IL23R: variants seen among roughly 807,000 people sequenced by gnomAD.
IL23R encodes interleukin 23 receptor.
Under a neutral mutation model 56.9 loss-of-function variants are expected in IL23R, and 34 were observed. That is an observed-to-expected ratio of 0.60 (90% CI 0.45 to 0.80). The LOEUF is 0.80. IL23R is among the 30% of genes least tolerant of loss of function. IL23R has a pLI of 0.00. For synonymous variants in IL23R, 230 were observed against 249.2 expected, an observed-to-expected ratio of 0.92 and a Z score of 0.73; for missense variants, 635 against 730.0, an observed-to-expected ratio of 0.87 and a Z score of 1.50.
chr1:67,157,325 A>G (rs943345605), intron 1 of IL23R, among the ~76,000 whole-genome samples: 7 of 152,140 alleles, frequency 4.6e-5, no homozygotes, highest in African/African-American at 1.7e-4. Context: ...TCTACAAAAT[A>G]TATTCCTTTT....
intron 9 of IL23R, among the ~76,000 whole-genome samples, chr1:67,248,109 A>C (rs1570921918): frequency 6.6e-6 from 1 of 152,126 alleles, no homozygotes; most frequent in Non-Finnish European, 1.5e-5. Context: ...CCTGTTCTCC[A>C]GGAATATCTT....
At chr1:67,182,602 G>T (rs1031802566) in intron 3 of IL23R, among the ~76,000 whole-genome samples, 1 of 152,090 alleles carries the variant, frequency 6.6e-6, no homozygotes, top group Non-Finnish European at 1.5e-5. Flanking sequence ...GCAATGCCTC[G>T]CCCTGCTTCG....
At chr1:67,182,170 G>A (rs1647155886) in intron 3 of IL23R, among the ~76,000 whole-genome samples, 1 of 152,206 alleles carries the variant, frequency 6.6e-6, no homozygotes, top group Non-Finnish European at 1.5e-5. Flanking sequence ...GTCAGACGGG[G>A]ACATTTAAGT....
intron 7 of IL23R, among the ~76,000 whole-genome samples, chr1:67,226,215 A>G (rs1650608039): frequency 6.6e-6 from 1 of 152,196 alleles, no homozygotes; most frequent in Non-Finnish European, 1.5e-5. Context: ...AATGTGATAC[A>G]GTTCACTATT....
chr1:67,178,409 G>A (rs1326030366), intron 3 of IL23R, among the ~76,000 whole-genome samples: 1 of 152,028 alleles, frequency 6.6e-6, no homozygotes, highest in Non-Finnish European at 1.5e-5. Flanking sequence ...TTTTGATTTG[G>A]CTCTCCATTT....
chr1:67,224,077 A>G (rs1650467507), intron 7 of IL23R, among the ~76,000 whole-genome samples: 1 of 152,184 alleles, frequency 6.6e-6, no homozygotes, highest in African/African-American at 2.4e-5. Flanking sequence ...GCATTTTTAG[A>G]TCCTTGCAGA....
intron 7 of IL23R, among the ~76,000 whole-genome samples, chr1:67,221,227 A>G (rs1650228807): frequency 1.3e-5 from 2 of 152,268 alleles, no homozygotes; most frequent in African/African-American, 2.4e-5. Context: ...AGTCTGAGGC[A>G]GGAAAATGGC....
At chr1:67,183,117 C>T (rs558092430) in intron 4 of IL23R, among the ~76,000 whole-genome samples, 158 bp downstream of exon 4, 1 of 152,336 alleles carries the variant, frequency 6.6e-6, no homozygotes, top group East Asian at 1.9e-4. Flanking sequence ...TACCAAAGCC[C>T]TTTTCAAGCC....
At chr1:67,188,357 TC>T (rs1342714007) in intron 4 of IL23R, among the ~76,000 whole-genome samples, 1 of 152,172 alleles carries the variant, frequency 6.6e-6, no homozygotes, top group Non-Finnish European at 1.5e-5. Context: ...GTGTCACATG[TC>T]TACTCTGTCT....
intron 1 of IL23R, among the ~76,000 whole-genome samples, chr1:67,149,539 G>A (rs139911769): frequency 2.6e-5 from 4 of 152,050 alleles, no homozygotes; most frequent in African/African-American, 7.2e-5. Flanking sequence ...TGTATTTCCC[G>A]AAGTACTCTA....
chr1:67,243,931 G>A (rs1558262231), intron 9 of IL23R, among the ~76,000 whole-genome samples: 1 of 152,286 alleles, frequency 6.6e-6, no homozygotes, highest in East Asian at 1.9e-4. Flanking sequence ...CACCAACAGT[G>A]TAAAAGCATT....
At chr1:67,256,083 A>G (rs529694993) in intron 10 of IL23R, among the ~76,000 whole-genome samples, 156 bp downstream of exon 10, 14 of 152,366 alleles carry the variant, frequency 9.2e-5, no homozygotes, top group African/African-American at 3.4e-4. Flanking sequence ...CCTGTTTCAA[A>G]TCATACTTAA....
chr1:67,145,769 G>A (rs1389692072), intron 1 of IL23R, among the ~76,000 whole-genome samples: 1 of 152,140 alleles, frequency 6.6e-6, no homozygotes, highest in Admixed American at 6.5e-5. Flanking sequence ...GGCTGTGGTG[G>A]CTTGTTTACA....
intron 6 of IL23R, among the ~76,000 whole-genome samples, chr1:67,217,092 T>C (rs944766533): frequency 7.2e-5 from 11 of 151,876 alleles, no homozygotes; most frequent in African/African-American, 2.7e-4. Context: ...AGGTTGGAGA[T>C]TTTTTCTTCC....
rs117333336 is a variant in IL23R at position 67,149,475 on chromosome 1, C to T, written c.-634+10314C>T. Among the ~76,000 whole-genome samples the T allele has an allele frequency of 6.0e-3, 908 of 152,176 alleles. 23 individuals carry two copies. In the East Asian group the frequency reaches 0.061, roughly 10 times the overall value. On this transcript the variant is annotated intron_variant, in intron 1 of 10. Transcript: ENST00000637002. ...ATCGCATTTTGCTTCTCTTATTCCC[C>T]ATTTTTTTCTGTTGTAATCTTTCTG...
In IL23R at chr1:67,255,268, C is replaced by G. The variant is rs1234828217; in HGVS notation, c.1149-569C>G. Among the ~76,000 whole-genome samples, 3 of 151,902 alleles carry G rather than the reference C, an allele frequency of 2.0e-5. No homozygotes were observed. In the East Asian group the frequency reaches 5.8e-4, roughly 29 times the overall value. On this transcript the variant is annotated intron_variant, in intron 9 of 10. Coordinates refer to ENST00000347310, the MANE Select transcript of IL23R (RefSeq NM_144701.3). ...CGGTTTCACTGCTAGGGTGGTTCTC[C>G]CACTTATCTTGAATCTAGTGTGAGT...
At chr1:67,162,143 T>TAAA (rs905318988), upstream of IL23R, among the ~76,000 whole-genome samples, 4 of 144,240 alleles carry the variant, frequency 2.8e-5, no homozygotes, top group East Asian at 8.0e-4. Flanking sequence ...ATCCAATGTT[T>TAAA]AAAAAAAAAA....
chr1:67,205,873 ATCTTTCTTTCTTTCTTTCTT>A (rs200498214), intron 5 of IL23R, among the ~76,000 whole-genome samples: 456 of 139,202 alleles, frequency 3.3e-3, no homozygotes, highest in South Asian at 8.2e-3. Context: ...TTGAACATCC[ATCTTTCTTTCTTTCTTTCTT>A]TCTTTCTTTC....
intron 1 of IL23R, among the ~76,000 whole-genome samples, chr1:67,159,674 C>G (rs1444140280): frequency 6.6e-6 from 1 of 152,114 alleles, no homozygotes; most frequent in African/African-American, 2.4e-5. Flanking sequence ...TGGAGGATCC[C>G]TTGAGGCCAG....
Sources: gnomAD v4.1 joint callset for allele counts (sites outside exome capture counted in the v4.1 genomes callset) on GRCh38, gnomAD v4.1.1 for gene constraint, MANE v1.5 for transcripts, NCBI Gene and HGNC (gene_info 2026-07-23, HGNC 2026-07-21) for gene names.